Variants in ELF2 observed in about 807,000 individuals in gnomAD.
The protein encoded by ELF2 is E74 like ETS transcription factor 2.
ELF2 carries 11 observed loss-of-function variants against 54.8 expected under a neutral mutation model. That is an observed-to-expected ratio of 0.20 (90% confidence interval 0.13 to 0.33). ELF2 has a LOEUF of 0.33. Ranked by LOEUF, ELF2 falls within the 10% of genes least tolerant of loss-of-function variation. The pLI is 1.00. For synonymous variants in ELF2, 203 were observed against 245.1 expected, an observed-to-expected ratio of 0.83 and a Z score of 1.61; for missense variants, 513 against 703.0, an observed-to-expected ratio of 0.73 and a Z score of 3.06.
chr4:139,071,489 A>G (rs940996242), intron 6 of ELF2, among the ~76,000 whole-genome samples: 1 of 152,016 alleles, frequency 6.6e-6, no homozygotes, highest in African/African-American at 2.4e-5. Flanking sequence ...AAGACTTTGT[A>G]AAATAAAGAA....
chr4:139,092,725 T>C (rs1374868516), intron 4 of ELF2, among the ~76,000 whole-genome samples: 1 of 151,428 alleles, frequency 6.6e-6, no homozygotes, highest in Non-Finnish European at 1.5e-5. Context: ...GGCGTGAACC[T>C]GGGAGGCGGA....
intron 4 of ELF2, among the ~76,000 whole-genome samples, chr4:139,083,925 T>G (rs1731564328): frequency 6.6e-6 from 1 of 152,180 alleles, no homozygotes. Flanking sequence ...AGCGCCGGAT[T>G]CGAGGCAGGT....
intron 4 of ELF2, among the ~76,000 whole-genome samples, chr4:139,080,701 A>C (rs1730984877): frequency 6.6e-6 from 1 of 152,158 alleles, no homozygotes. Flanking sequence ...GTTCATACAC[A>C]ATACTTTAAC....
chr4:139,060,068 T>C (rs1479255351), intron 9 of ELF2, among the ~76,000 whole-genome samples: 1 of 152,138 alleles, frequency 6.6e-6, no homozygotes, highest in African/African-American at 2.4e-5. Flanking sequence ...AAAGCTTGTG[T>C]TGACCTCCTG....
chr4:139,086,308 G>A (rs865907875), intron 4 of ELF2, among the ~76,000 whole-genome samples: 15 of 152,282 alleles, frequency 9.9e-5, no homozygotes, highest in African/African-American at 2.6e-4. Context: ...CAAGAAAACC[G>A]TAAGAAAAAT....
intron 1 of ELF2, among the ~76,000 whole-genome samples, chr4:139,166,257 T>C (rs1230405958): frequency 6.6e-6 from 1 of 152,112 alleles, no homozygotes; most frequent in Non-Finnish European, 1.5e-5. Flanking sequence ...GGTAGTAGTG[T>C]GCACCTGTAA....
In ELF2 at chr4:139,115,156, T is replaced by A. The variant is rs1408269833; in HGVS notation, c.238+10008A>T. On this transcript the variant is annotated intron_variant, in intron 4 of 9. Transcript: ENST00000686138. ...GCGCGTGAGCTGCTCCAGGATCCAC[T>A]CCTCTAGGTTGAGGCGCTTCCGTAG... 2.5e-6 allele frequency: 4 copies of A among 1,612,920 alleles called. No individual in the cohort carries two copies. In the African/African-American group the frequency reaches 5.3e-5, roughly 22 times the overall value.
intron 8 of ELF2, among the ~76,000 whole-genome samples, chr4:139,061,380 GGC>G (rs1727833820): frequency 6.6e-6 from 1 of 151,890 alleles, no homozygotes; most frequent in Non-Finnish European, 1.5e-5. Context: ...TCCCCATGTT[GGC>G]CAGGCTGGTC....
chr4:139,152,656 T>C (rs1379808013), intron 1 of ELF2, among the ~76,000 whole-genome samples: 1 of 152,122 alleles, frequency 6.6e-6, no homozygotes, highest in Non-Finnish European at 1.5e-5. Context: ...ATGTATAGTT[T>C]AATTCACAGC....
intron 1 of ELF2, among the ~76,000 whole-genome samples, chr4:139,152,183 TAA>T (rs575357294): frequency 3.9e-4 from 59 of 152,312 alleles, no homozygotes; most frequent in Middle Eastern, 3.4e-3. Flanking sequence ...CATAAAAATA[TAA>T]GAGTGAATTT....
intron 1 of ELF2, among the ~76,000 whole-genome samples, chr4:139,144,329 C>G (rs1366455466): frequency 6.6e-6 from 1 of 152,140 alleles, no homozygotes; most frequent in Non-Finnish European, 1.5e-5. Context: ...GCGGGAAGAG[C>G]CTTGTGCGTA....
At chr4:139,102,383 A>AT (rs1312753963) in intron 4 of ELF2, 9 of 147,256 alleles carry the variant, frequency 6.1e-5, no homozygotes, top group African/African-American at 2.2e-4. Context: ...AATACAAAAA[A>AT]TTAGCCGGGC....
chr4:139,084,456 C>CGGCGGCTGT, intron 4 of ELF2: 1 of 1,147,484 alleles, frequency 8.7e-7, no homozygotes, highest in African/African-American at 1.6e-5. Context: ...GCGGCGGCGG[C>CGGCGGCTGT]GGCGGCTGTG....
chr4:139,164,139 AAG>A (rs147578091), intron 1 of ELF2, among the ~76,000 whole-genome samples: 6,059 of 148,326 alleles, frequency 0.041, 189 homozygotes, highest in Non-Finnish European at 0.069. Context: ...AAAGAGAAAG[AAG>A]AGAGAGAAAG....
At chr4:139,169,026 G>A (rs148120956) in intron 1 of ELF2, among the ~76,000 whole-genome samples, 4 of 152,116 alleles carry the variant, frequency 2.6e-5, no homozygotes, top group Admixed American at 6.5e-5. Context: ...ACTATTGCCC[G>A]GGCATGGTGG....
intron 4 of ELF2, chr4:139,084,090 C>T (rs1432979804): frequency 1.2e-6 from 2 of 1,612,296 alleles, no homozygotes; most frequent in East Asian, 4.5e-5. Flanking sequence ...CACCCCCTCT[C>T]CTGCTGCACC....
At chr4:139,132,032 G>GA (rs1039694847) in intron 3 of ELF2, among the ~76,000 whole-genome samples, 14 of 152,170 alleles carry the variant, frequency 9.2e-5, no homozygotes, top group Admixed American at 2.6e-4. Flanking sequence ...TAAAAGTCTG[G>GA]AAAAAATACA....
intron 1 of ELF2, among the ~76,000 whole-genome samples, chr4:139,168,614 C>T (rs1741949696): frequency 6.6e-6 from 1 of 152,218 alleles, no homozygotes; most frequent in Non-Finnish European, 1.5e-5. Flanking sequence ...TTGACAAGCA[C>T]TCCCTCCAAC....
At chr4:139,160,007 A>T (rs1258385202) in intron 1 of ELF2, among the ~76,000 whole-genome samples, 1 of 152,166 alleles carries the variant, frequency 6.6e-6, no homozygotes, top group Non-Finnish European at 1.5e-5. Context: ...AGGGGGGCGG[A>T]GCGGTAGCCT....
Sources: allele counts gnomAD v4.1 joint callset (sites outside exome capture counted in the v4.1 genomes callset), GRCh38; gene constraint gnomAD v4.1.1; transcripts MANE v1.5; gene names NCBI Gene and HGNC (gene_info 2026-07-23, HGNC 2026-07-21).